Variants in EML4 observed in about 807,000 individuals in gnomAD.
The protein encoded by EML4 is EMAP like 4, also known as echinoderm microtubule-associated protein-like 4.
A neutral mutation model predicts 129.0 loss-of-function variants in EML4; 72 were observed. That is an observed-to-expected ratio of 0.56 (90% CI 0.46 to 0.68). EML4 has a LOEUF of 0.68. Ranked by LOEUF, EML4 falls within the 30% of genes least tolerant of loss-of-function variation. The probability of loss-of-function intolerance (pLI) is 0.00; values close to 1 mark genes in which losing one functional copy is unlikely to be tolerated. For missense variants in EML4, 1,363 were observed against 1,190.6 expected, an observed-to-expected ratio of 1.14 and a Z score of -2.13; for synonymous variants, 532 against 405.0, an observed-to-expected ratio of 1.31 and a Z score of -3.77.
intron 6 of EML4, among the ~76,000 whole-genome samples, chr2:42,273,342 A>G (rs1304006403): frequency 6.6e-6 from 1 of 152,176 alleles, no homozygotes; most frequent in Non-Finnish European, 1.5e-5. Context: ...AGTCATTTCA[A>G]GCAGTAAAAA....
intron 1 of EML4, among the ~76,000 whole-genome samples, chr2:42,235,816 C>T (rs1558526884): frequency 6.6e-6 from 1 of 151,914 alleles, no homozygotes. Flanking sequence ...GTTTTTATGC[C>T]ACAAAACCCC....
chr2:42,201,350 G>T (rs1018527649), intron 1 of EML4, among the ~76,000 whole-genome samples: 4 of 152,218 alleles, frequency 2.6e-5, no homozygotes, highest in Non-Finnish European at 4.4e-5. Flanking sequence ...GAAACTAAGG[G>T]ATGAGTTAAT....
At chr2:42,204,809 C>G (rs565250853) in intron 1 of EML4, among the ~76,000 whole-genome samples, 13 of 152,112 alleles carry the variant, frequency 8.5e-5, no homozygotes, top group Non-Finnish European at 1.8e-4. Context: ...GAAACTGTTA[C>G]AGCTAGAGTT....
chr2:42,233,827 TAAAAC>T (rs879309038), intron 1 of EML4, among the ~76,000 whole-genome samples: 22 of 152,200 alleles, frequency 1.4e-4, no homozygotes, highest in East Asian at 3.8e-4. Flanking sequence ...GTATTTTAAA[TAAAAC>T]AAAAGGAAAA....
chr2:42,177,415 G>C (rs1670669865), intron 1 of EML4, among the ~76,000 whole-genome samples: 1 of 152,100 alleles, frequency 6.6e-6, no homozygotes, highest in African/African-American at 2.4e-5. Context: ...GAGCTCAGGA[G>C]TTTGAGACCA....
intron 6 of EML4, among the ~76,000 whole-genome samples, chr2:42,273,712 T>C (rs1666498933): frequency 1.3e-5 from 2 of 152,188 alleles, no homozygotes; most frequent in South Asian, 4.1e-4. Flanking sequence ...TGCTAGCTAA[T>C]AAAACTACTA....
At chr2:42,236,580 C>T (rs1258101741) in intron 1 of EML4, among the ~76,000 whole-genome samples, 1 of 152,166 alleles carries the variant, frequency 6.6e-6, no homozygotes, top group Middle Eastern at 3.2e-3. Flanking sequence ...TAGTTTGCTC[C>T]ACAGACTGTG....
chr2:42,251,986 A>C (rs1414277044), intron 2 of EML4, among the ~76,000 whole-genome samples: 1 of 152,228 alleles, frequency 6.6e-6, no homozygotes, highest in Non-Finnish European at 1.5e-5. Context: ...CAAATCAATA[A>C]ATTGTTTGTA....
At chr2:42,247,838 G>A (rs1296418955) in intron 2 of EML4, among the ~76,000 whole-genome samples, 2 of 151,954 alleles carry the variant, frequency 1.3e-5, no homozygotes, top group East Asian at 3.9e-4. Flanking sequence ...GGGAATATAA[G>A]CTTTGTATAG....
chr2:42,273,427 CAA>C (rs1666483277), intron 6 of EML4, among the ~76,000 whole-genome samples: 1 of 152,064 alleles, frequency 6.6e-6, no homozygotes, highest in Non-Finnish European at 1.5e-5. Flanking sequence ...AACAAAACAT[CAA>C]GAGAAATCTG....
At chr2:42,291,890 C>G (rs1011747561) in intron 11 of EML4, among the ~76,000 whole-genome samples, 6 of 152,136 alleles carry the variant, frequency 3.9e-5, no homozygotes, top group Admixed American at 6.5e-5. Context: ...TGTAAAGGTA[C>G]ACAACCTCAT....
At chr2:42,180,043 C>T (rs144029738) in intron 1 of EML4, among the ~76,000 whole-genome samples, 1 of 152,212 alleles carries the variant, frequency 6.6e-6, no homozygotes, top group Non-Finnish European at 1.5e-5. Flanking sequence ...TGTGGATATT[C>T]TTGGTACTGT....
intron 1 of EML4, among the ~76,000 whole-genome samples, chr2:42,233,386 A>G (rs1329139159): frequency 6.6e-6 from 1 of 151,178 alleles, no homozygotes; most frequent in African/African-American, 2.4e-5. Flanking sequence ...GCTCCCTGCA[A>G]GCTCTGCCTC....
intron 11 of EML4, chr2:42,288,544 A>T: frequency 3.6e-6 from 1 of 275,828 alleles, no homozygotes. Flanking sequence ...TCAATATTTC[A>T]GACATTACTA....
At chr2:42,300,946 A>G (rs1321561497) in intron 13 of EML4, among the ~76,000 whole-genome samples, 1 of 152,170 alleles carries the variant, frequency 6.6e-6, no homozygotes, top group Non-Finnish European at 1.5e-5. Flanking sequence ...TGAAACCTAT[A>G]CTATATCCCC....
At chr2:42,301,164 G>A in intron 13 of EML4, 77 bp from the exon 14 acceptor site, 1 of 1,274,904 alleles carries the variant, frequency 7.8e-7, no homozygotes, top group East Asian at 2.5e-5. Flanking sequence ...TAGTTCTACT[G>A]AAGTTTTCTT....
chr2:42,228,585 C>T (rs951722723), intron 1 of EML4, among the ~76,000 whole-genome samples: 2 of 152,134 alleles, frequency 1.3e-5, no homozygotes, highest in Non-Finnish European at 2.9e-5. Context: ...ACATAGTGAG[C>T]TCTTAAAATG....
Position 42,301,288 on chromosome 2 carries a change from T to G in EML4, c.1537T>G (p.Phe513Val), listed in dbSNP as rs747489266. Residue 513 changes from phenylalanine to valine, a missense_variant, in exon 14 of 23, where the codon TTC becomes GTC. Physicochemically the swap from Phe to Val is conservative, Grantham distance 50. Transcript: ENST00000318522. ...KQIKAHDGSV[F>V]TLCQMRNGML... ...AATCAAAGCTCATGATGGCAGTGTG[T>G]TCACACTTTGTCAGATGAGAAATGG... 3.1e-6 allele frequency: 5 copies of G among 1,613,380 alleles called. No homozygotes were observed. The highest frequency in any genetic ancestry group is 3.4e-6 in the Non-Finnish European group (4 of 1,179,660).
intron 19 of EML4, among the ~76,000 whole-genome samples, chr2:42,322,933 T>C (rs1264831417): frequency 2.0e-5 from 3 of 152,340 alleles, no homozygotes; most frequent in Non-Finnish European, 2.9e-5. Context: ...CCTAAGATCT[T>C]TTCTAAATTT....
Sources: allele counts gnomAD v4.1 joint callset (sites outside exome capture counted in the v4.1 genomes callset), GRCh38; gene constraint gnomAD v4.1.1; transcripts MANE v1.5; gene names NCBI Gene and HGNC (gene_info 2026-07-23, HGNC 2026-07-21).